Variants in ZNRF1 observed in about 807,000 individuals in gnomAD.
ZNRF1 encodes the protein E3 ubiquitin-protein ligase ZNRF1.
A neutral mutation model predicts 18.4 loss-of-function variants in ZNRF1; 3 were observed. The ratio of observed to expected loss-of-function variants is 0.16; its 90% CI spans 0.07 to 0.42. ZNRF1 has a LOEUF of 0.42. Ranked by LOEUF, ZNRF1 falls within the 10% of genes least tolerant of loss-of-function variation. The probability of loss-of-function intolerance (pLI) is 0.99; values close to 1 mark genes in which losing one functional copy is unlikely to be tolerated. For synonymous variants in ZNRF1, 157 were observed against 144.2 expected, an observed-to-expected ratio of 1.09 and a Z score of -0.64; for missense variants, 310 against 329.8, an observed-to-expected ratio of 0.94 and a Z score of 0.47.
intron 4 of ZNRF1, chr16:75,106,877 G>A (rs985127815): frequency 4.0e-5 from 11 of 272,820 alleles, no homozygotes; most frequent in Non-Finnish European, 6.6e-5. Flanking sequence ...GAATGTGCAC[G>A]GGCAGGAAAA....
chr16:75,076,751 A>T (rs1238119137), intron 1 of ZNRF1, among the ~76,000 whole-genome samples: 1 of 151,134 alleles, frequency 6.6e-6, no homozygotes, highest in Non-Finnish European at 1.5e-5. Flanking sequence ...TGGTATTTGA[A>T]GGAGGACTTT....
At chr16:75,022,064 C>T (rs934815298) in intron 1 of ZNRF1, among the ~76,000 whole-genome samples, 11 of 152,222 alleles carry the variant, frequency 7.2e-5, no homozygotes, top group Admixed American at 3.9e-4. Flanking sequence ...CTAATCCTTC[C>T]GTCCGTCCAT....
chr16:75,096,061 C>CGTGTGTGTGTGTGTGTGTGTGTGT (rs56013949), intron 2 of ZNRF1, among the ~76,000 whole-genome samples: 56 of 139,732 alleles, frequency 4.0e-4, no homozygotes, highest in Admixed American at 5.0e-4. Context: ...TATGTGTGCA[C>CGTGTGTGTGTGTGTGTGTGTGTGT]GTGTGTGTGT....
chr16:75,073,702 C>T (rs571188649), intron 1 of ZNRF1, among the ~76,000 whole-genome samples: 3 of 152,196 alleles, frequency 2.0e-5, no homozygotes, highest in Admixed American at 2.0e-4. Flanking sequence ...GTGGCTGCTG[C>T]ATAGTATTCA....
chr16:75,084,349 G>A (rs1025441220), intron 1 of ZNRF1: 9 of 152,170 alleles, frequency 5.9e-5, no homozygotes, highest in Admixed American at 5.2e-4. Context: ...AAAGAAGGAA[G>A]ACTTGAGGCT....
chr16:75,060,473 C>A (rs2035727948), intron 1 of ZNRF1, among the ~76,000 whole-genome samples: 1 of 70,254 alleles, frequency 1.4e-5, no homozygotes, highest in African/African-American at 5.7e-5. Context: ...CTCAGAAAAT[C>A]TTTTTTTTTT....
intron 1 of ZNRF1, among the ~76,000 whole-genome samples, chr16:75,041,270 C>T (rs778360473): frequency 1.2e-4 from 19 of 152,088 alleles, no homozygotes; most frequent in Non-Finnish European, 2.6e-4. Context: ...TGTTGACTTA[C>T]GGATTATAGT....
intron 1 of ZNRF1, among the ~76,000 whole-genome samples, chr16:75,078,508 A>G (rs776362886): frequency 6.6e-6 from 1 of 152,078 alleles, no homozygotes; most frequent in Non-Finnish European, 1.5e-5. Flanking sequence ...CACGTTGGTC[A>G]GGCTGGTCTC....
At chr16:75,047,806 C>T (rs1208780162) in intron 1 of ZNRF1, among the ~76,000 whole-genome samples, 1 of 152,142 alleles carries the variant, frequency 6.6e-6, no homozygotes, top group Non-Finnish European at 1.5e-5. Flanking sequence ...TGTATTTTCT[C>T]ACAGTTCTAG....
At chr16:75,069,054 T>C (rs9936747) in intron 1 of ZNRF1, among the ~76,000 whole-genome samples, 18,975 of 151,982 alleles carry the variant, frequency 0.12, 2,069 homozygotes, top group East Asian at 0.58. Flanking sequence ...AAAATGGTAC[T>C]TTCTGCTGCT....
intron 1 of ZNRF1, among the ~76,000 whole-genome samples, chr16:75,009,130 T>G (rs1046655171): frequency 6.6e-6 from 1 of 152,374 alleles, no homozygotes; most frequent in Admixed American, 6.5e-5. Context: ...TTTTTAAATC[T>G]GTCTCTGTAA....
intron 1 of ZNRF1, among the ~76,000 whole-genome samples, chr16:75,000,741 C>G (rs560008645): frequency 6.6e-6 from 1 of 152,334 alleles, no homozygotes; most frequent in African/African-American, 2.4e-5. Context: ...GTCACCCGTA[C>G]TGCATGCAGC....
intron 1 of ZNRF1, among the ~76,000 whole-genome samples, chr16:75,027,382 A>G (rs992474707): frequency 1.3e-5 from 2 of 152,230 alleles, no homozygotes; most frequent in East Asian, 3.8e-4. Context: ...AATCCTTTTT[A>G]GCCCTATAGC....
At chr16:75,071,855 A>G (rs2035874422) in intron 1 of ZNRF1, among the ~76,000 whole-genome samples, 1 of 152,136 alleles carries the variant, frequency 6.6e-6, no homozygotes, top group Non-Finnish European at 1.5e-5. Flanking sequence ...GCCTTTGCAC[A>G]TGATGCCCCC....
chr16:75,000,020 T>C lies in ZNRF1; in HGVS notation c.349T>C (p.Tyr117His). ...CGGTCACCATAGAGACGGGATGCTGTACCTGGGCTCCCGAGCCTCGCTGGC... is the reference window on the plus strand; with the variant it reads ...CGGTCACCATAGAGACGGGATGCTGCACCTGGGCTCCCGAGCCTCGCTGGC... Reference protein sequence around the residue: ...GGGHHRDGMLYLGSRASLADA... With the variant: ...GGGHHRDGMLHLGSRASLADA... The change falls in exon 1 of 5, where the codon TAC becomes CAC. Residue 117 changes from tyrosine to histidine, a missense_variant. Around this residue, in one of 2 missense-constraint regions of ZNRF1, gnomAD observed 293 missense variants for 291.2 expected, o/e 1.01. Transcript: ENST00000335325. The C allele has an allele frequency of 6.3e-7, 1 of 1,594,078 alleles. No homozygotes were observed. The highest frequency in any genetic ancestry group is 8.5e-7 in the Non-Finnish European group (1 of 1,171,614).
At chr16:75,030,769 G>C (rs542327145) in intron 1 of ZNRF1, among the ~76,000 whole-genome samples, 1 of 149,820 alleles carries the variant, frequency 6.7e-6, no homozygotes, top group African/African-American at 2.5e-5. Context: ...TTAGCATCTG[G>C]TTTCTTTAAG....
intron 1 of ZNRF1, among the ~76,000 whole-genome samples, chr16:75,088,941 T>C (rs1353048277): frequency 6.6e-6 from 1 of 151,616 alleles, no homozygotes; most frequent in Non-Finnish European, 1.5e-5. Context: ...GCTCGAGAGG[T>C]TCAAAGGAAA....
At chr16:75,062,755 G>T (rs1035827176) in intron 1 of ZNRF1, among the ~76,000 whole-genome samples, 2 of 152,222 alleles carry the variant, frequency 1.3e-5, no homozygotes, top group Admixed American at 6.5e-5. Context: ...GGGCCTGGCC[G>T]TATGACACAC....
intron 1 of ZNRF1, among the ~76,000 whole-genome samples, chr16:75,045,091 T>C (rs1359184184): frequency 6.6e-6 from 1 of 152,184 alleles, no homozygotes; most frequent in African/African-American, 2.4e-5. Context: ...GGATCGTGGG[T>C]GGTGCTTGTC....
Sources: allele counts gnomAD v4.1 joint callset (sites outside exome capture counted in the v4.1 genomes callset), GRCh38; gene constraint gnomAD v4.1.1; regional missense constraint gnomAD v4.1.1; transcripts MANE v1.5; gene names NCBI Gene and HGNC (gene_info 2026-07-23, HGNC 2026-07-21).